Variants in UBXN2A observed in about 807,000 individuals in gnomAD.
The protein encoded by UBXN2A is UBX domain protein 2A.
A neutral mutation model predicts 28.4 loss-of-function variants in UBXN2A; 28 were observed. That is an observed-to-expected ratio of 0.99 (90% CI 0.73 to 1.35). UBXN2A has a LOEUF of 1.35. Ranked by LOEUF, UBXN2A falls within the 40% of genes most tolerant of loss-of-function variation. The pLI is 0.00. For synonymous variants in UBXN2A, 97 were observed against 103.6 expected (o/e 0.94, Z 0.39); for missense variants, 253 against 297.9 (o/e 0.85, Z 1.11).
intron 1 of UBXN2A, among the ~76,000 whole-genome samples, chr2:23,935,047 C>A (rs1705484078): frequency 6.6e-6 from 1 of 152,024 alleles, no homozygotes; most frequent in African/African-American, 2.4e-5. Context: ...TGCACTCCAG[C>A]CCAAGCAACA....
At chr2:23,968,894 C>CTTTTTTTT (rs551302005) in intron 2 of UBXN2A, 12 of 130,606 alleles carry the variant, frequency 9.2e-5, no homozygotes, top group Admixed American at 1.6e-4. Flanking sequence ...TTTCTTTTTT[C>CTTTTTTTT]TTTTTTTTTT....
chr2:23,985,834 A>G (rs1420555977), intron 6 of UBXN2A, among the ~76,000 whole-genome samples: 1 of 152,112 alleles, frequency 6.6e-6, no homozygotes, highest in Non-Finnish European at 1.5e-5. Context: ...CGTGTCTACA[A>G]AAAAATTTTT....
intron 6 of UBXN2A, among the ~76,000 whole-genome samples, chr2:23,988,471 A>G (rs1258794299): frequency 3.9e-5 from 6 of 152,124 alleles, no homozygotes; most frequent in Non-Finnish European, 8.8e-5. Context: ...ATTACAAGCC[A>G]ATTTGTTTTG....
intron 4 of UBXN2A, among the ~76,000 whole-genome samples, chr2:23,979,958 A>G (rs1707830671): frequency 6.6e-6 from 1 of 151,972 alleles, no homozygotes; most frequent in African/African-American, 2.4e-5. Context: ...ATGTTTAGAT[A>G]TAATTAACCT....
intron 1 of UBXN2A, among the ~76,000 whole-genome samples, chr2:23,930,203 T>G (rs750572155): frequency 7.4e-4 from 112 of 152,250 alleles, no homozygotes; most frequent in Non-Finnish European, 1.4e-3. Flanking sequence ...AAATGTTAAT[T>G]TTAAATCCAA....
At chr2:23,947,401 C>T (rs767634298) in intron 1 of UBXN2A, among the ~76,000 whole-genome samples, 15 of 152,140 alleles carry the variant, frequency 9.9e-5, no homozygotes, top group Middle Eastern at 3.4e-3. Context: ...GGAAGTAGAC[C>T]GAAGAAAAAT....
intron 3 of UBXN2A, among the ~76,000 whole-genome samples, chr2:23,972,016 T>C (rs1350775203): frequency 6.6e-6 from 1 of 151,950 alleles, no homozygotes; most frequent in African/African-American, 2.4e-5. Context: ...GGAGGATTGC[T>C]TGAGCTCAGG....
intron 6 of UBXN2A, chr2:23,996,859 C>G (rs985955361): frequency 6.6e-6 from 1 of 151,980 alleles, no homozygotes; most frequent in African/African-American, 2.4e-5. Flanking sequence ...TGCGATCCCA[C>G]TACTGATCAG....
At chr2:23,964,200 G>A (rs1707064152) in intron 2 of UBXN2A, among the ~76,000 whole-genome samples, 1 of 150,436 alleles carries the variant, frequency 6.6e-6, no homozygotes, top group Admixed American at 6.7e-5. Context: ...TACCCAAAAT[G>A]GAATATTATC....
intron 1 of UBXN2A, among the ~76,000 whole-genome samples, chr2:23,932,742 C>T (rs1046647524): frequency 1.3e-5 from 2 of 152,198 alleles, no homozygotes; most frequent in African/African-American, 4.8e-5. Context: ...ACAGAATATA[C>T]CTTCAACAGA....
intron 2 of UBXN2A, among the ~76,000 whole-genome samples, chr2:23,964,882 G>T (rs942793904): frequency 6.6e-6 from 1 of 152,142 alleles, no homozygotes; most frequent in African/African-American, 2.4e-5. Context: ...AGTGGCTCAC[G>T]TCTGTAATCC....
chr2:23,950,623 C>T (rs1447480395), intron 1 of UBXN2A, among the ~76,000 whole-genome samples: 3 of 151,808 alleles, frequency 2.0e-5, no homozygotes, highest in African/African-American at 7.3e-5. Flanking sequence ...GGGTTGGTCT[C>T]GAACTCCTGA....
At chr2:23,943,334 C>T (rs1705865212) in intron 1 of UBXN2A, among the ~76,000 whole-genome samples, 1 of 152,010 alleles carries the variant, frequency 6.6e-6, no homozygotes, top group Admixed American at 6.6e-5. Flanking sequence ...ATGAGGAGAC[C>T]ACCTAGAGTT....
intron 6 of UBXN2A, among the ~76,000 whole-genome samples, chr2:23,993,545 A>G (rs1158111546): frequency 1.1e-4 from 16 of 152,156 alleles, no homozygotes; most frequent in Admixed American, 9.2e-4. Context: ...TGTTACTTCT[A>G]CGAACATTTT....
In UBXN2A at chr2:23,982,949, A is replaced by C. The variant is rs1475643374; in HGVS notation, c.341A>C (p.Lys114Thr). Reference sequence around the variant, plus strand: ...TTTGATAAAGAAGAGGTGGACGTTAAAGTTGAAGACAAGAAAAATGAAATA... The same window carrying C: ...TTTGATAAAGAAGAGGTGGACGTTACAGTTGAAGACAAGAAAAATGAAATA... ...GIFDKEEVDV[K>T]VEDKKNEICL... The change falls in exon 5 of 7, where the codon AAA becomes ACA. Residue 114 changes from lysine (K) to threonine (T), a missense_variant. Transcript: ENST00000309033. 6.2e-7 allele frequency: 1 copy of C among 1,611,446 alleles called. No individual in the cohort carries two copies. Among genetic ancestry groups the C allele is most frequent in the East Asian group, 2.2e-5 (1 of 44,798 alleles).
At chr2:23,940,408 C>A (rs1420968828), upstream of UBXN2A, 1 of 134,618 alleles carries the variant, frequency 7.4e-6, no homozygotes, top group Admixed American at 8.4e-5. Flanking sequence ...GCCCTCGGCG[C>A]GCCCCCGCGT....
chr2:23,930,024 G>A (rs1257299471), intron 1 of UBXN2A, among the ~76,000 whole-genome samples: 1 of 152,136 alleles, frequency 6.6e-6, no homozygotes, highest in Non-Finnish European at 1.5e-5. Flanking sequence ...AAGTAGCTAG[G>A]GCTACAGGCG....
chr2:23,982,580 G>C (rs1707957484), intron 4 of UBXN2A, among the ~76,000 whole-genome samples: 1 of 152,070 alleles, frequency 6.6e-6, no homozygotes, highest in Admixed American at 6.6e-5. Flanking sequence ...AAGATTGCTT[G>C]AGCCCAGGAG....
At chr2:23,971,225 T>G in intron 2 of UBXN2A, 51 bp from the exon 3 acceptor site, 4 of 1,440,038 alleles carry the variant, frequency 2.8e-6, no homozygotes, top group Admixed American at 2.2e-5. Flanking sequence ...AATAAGTAAA[T>G]TTTTAGAGAC....
Sources: allele counts gnomAD v4.1 joint callset (sites outside exome capture counted in the v4.1 genomes callset), GRCh38; gene constraint gnomAD v4.1.1; transcripts MANE v1.5; gene names NCBI Gene and HGNC (gene_info 2026-07-23, HGNC 2026-07-21).